The following SCAPER variants were observed in gnomAD, a reference collection of about 807,000 sequenced individuals.
SCAPER encodes S-phase cyclin A associated protein in the ER.
A neutral mutation model predicts 182.2 loss-of-function variants in SCAPER; 98 were observed. The ratio of observed to expected loss-of-function variants is 0.54; its 90% CI spans 0.46 to 0.64. The LOEUF (loss-of-function observed/expected upper bound fraction) is 0.64. Ranked by LOEUF, SCAPER falls within the 30% of genes least tolerant of loss-of-function variation. The pLI is 0.00. For missense variants in SCAPER, 1,432 were observed against 1,690.0 expected (o/e 0.85, Z 2.68); for synonymous variants, 605 against 564.6 (o/e 1.07, Z -1.01).
chr15:76,701,684 G>A (rs916377417), intron 20 of SCAPER, 74 bp downstream of exon 20: 40 of 1,137,142 alleles, frequency 3.5e-5, no homozygotes, highest in Admixed American at 3.9e-5. Context: ...ATACAAACAC[G>A]GAATTCTTTA....
At position 76,767,035 on chromosome 15, in the gene SCAPER, CT is replaced by C; in HGVS notation, c.1301del (p.Lys434ArgfsTer17). ...KKEELADRLE[K>X]ANEEAIASAI... is the part of the protein sequence containing the mutation. ...CACTAGCAATGGCTTCTTCATTGGC[CT>C]TTTCTAGACGATCTGCTAGCTCTTC... is the stretch of plus-strand genomic sequence containing the variant. On this transcript the variant is annotated frameshift_variant, in exon 11 of 32. Transcript: ENST00000563290. LOFTEE classifies it high-confidence loss of function. 1 of 1,603,938 alleles carries C rather than the reference CT, an allele frequency of 6.2e-7. No homozygotes were observed.
rs563187986 is a variant in SCAPER at position 76,351,945 on chromosome 15, A to G, written c.4048-657T>C. Among the ~76,000 whole-genome samples the G allele has an allele frequency of 2.1e-3, 314 of 152,350 alleles. 1 individual carries two copies. The highest frequency in any genetic ancestry group is 2.7e-3 in the Non-Finnish European group (185 of 68,024). On this transcript the variant is annotated intron_variant, in intron 30 of 31. Transcript: ENST00000563290. The stretch of plus-strand genomic sequence containing the variant: ...TTAGCATTTACAAAATTTATGTTAC[A>G]GATTTTTTTTGTAAGACAAAGGTAG...
intron 5 of SCAPER, among the ~76,000 whole-genome samples, chr15:76,833,521 C>T (rs1409179838): frequency 2.0e-5 from 3 of 152,062 alleles, no homozygotes; most frequent in African/African-American, 7.2e-5. Flanking sequence ...TCAATATTGA[C>T]CTTGAATATA....
At chr15:76,608,410 G>C (rs1039688064) in intron 22 of SCAPER, among the ~76,000 whole-genome samples, 4 of 152,144 alleles carry the variant, frequency 2.6e-5, no homozygotes, top group African/African-American at 7.2e-5. Flanking sequence ...GGTCGTGTAA[G>C]GTGTCAATCT....
At chr15:76,408,248 C>T (rs2957613) in intron 26 of SCAPER, among the ~76,000 whole-genome samples, 16,164 of 152,164 alleles carry the variant, frequency 0.11, 1,033 homozygotes, top group African/African-American at 0.18. Context: ...TTATCCTATA[C>T]GCTTTCCCAC....
At chr15:76,726,322 C>T (rs2060599322) in intron 17 of SCAPER, among the ~76,000 whole-genome samples, 1 of 150,654 alleles carries the variant, frequency 6.6e-6, no homozygotes, top group African/African-American at 2.4e-5. Context: ...AATGAGATGC[C>T]ACTTCACACT....
chr15:76,480,114 C>T (rs928013685), intron 24 of SCAPER, among the ~76,000 whole-genome samples: 1 of 152,136 alleles, frequency 6.6e-6, no homozygotes, highest in African/African-American at 2.4e-5. Flanking sequence ...GATGAGAACC[C>T]TCTAGATTGG....
At chr15:76,521,345 A>G (rs2042819462) in intron 23 of SCAPER, among the ~76,000 whole-genome samples, 1 of 151,952 alleles carries the variant, frequency 6.6e-6, no homozygotes, top group Non-Finnish European at 1.5e-5. Context: ...CCTAGAATAT[A>G]TAAGGAATGT....
At chr15:76,633,606 A>AT (rs2053338986) in intron 21 of SCAPER, among the ~76,000 whole-genome samples, 1 of 152,178 alleles carries the variant, frequency 6.6e-6, no homozygotes, top group Non-Finnish European at 1.5e-5. Flanking sequence ...AGTTCTGTCC[A>AT]TAAACACCTG....
intron 23 of SCAPER, among the ~76,000 whole-genome samples, chr15:76,567,635 G>A (rs974312867): frequency 3.3e-5 from 5 of 152,106 alleles, no homozygotes; most frequent in African/African-American, 9.7e-5. Flanking sequence ...TAAAGAGGTT[G>A]ACTATCTTCA....
chr15:76,613,950 T>C (rs898649591), intron 22 of SCAPER, among the ~76,000 whole-genome samples: 11 of 152,240 alleles, frequency 7.2e-5, no homozygotes, highest in African/African-American at 2.4e-4. Flanking sequence ...CACACACATA[T>C]GTTCATCACA....
chr15:76,641,530 C>T (rs1041014954), intron 21 of SCAPER, among the ~76,000 whole-genome samples: 2 of 152,074 alleles, frequency 1.3e-5, no homozygotes, highest in Admixed American at 1.3e-4. Context: ...TCTGCTGATC[C>T]GCCTGGGAAC....
intron 23 of SCAPER, among the ~76,000 whole-genome samples, chr15:76,514,922 AGCTTCCTAACT>A (rs1403785761): frequency 6.6e-6 from 1 of 152,194 alleles, no homozygotes; most frequent in Admixed American, 6.5e-5. Context: ...TTCCCTTACA[AGCTTCCTAACT>A]GCTGGCTTCT....
rs572042681 is a variant in SCAPER at position 76,750,950 on chromosome 15, G to C, written c.1866+2858C>G. On this transcript the variant is annotated intron_variant, in intron 15 of 31. Transcript: ENST00000563290. ...TTTAGAAAGTAGTAAGATTATCTTT[G>C]TTCACAGATGATATGAACTTATATG... Among the ~76,000 whole-genome samples the C allele has an allele frequency of 3.3e-5, 5 of 151,824 alleles. No homozygotes were observed. In the East Asian group the frequency reaches 9.6e-4, roughly 29 times the overall value.
intron 27 of SCAPER, among the ~76,000 whole-genome samples, chr15:76,401,969 A>T (rs2044492580): frequency 6.6e-6 from 1 of 152,170 alleles, no homozygotes; most frequent in Non-Finnish European, 1.5e-5. Flanking sequence ...TCTACTAAAA[A>T]TACAAAAATT....
At chr15:76,496,379 G>C (rs1279370101) in intron 24 of SCAPER, among the ~76,000 whole-genome samples, 1 of 152,148 alleles carries the variant, frequency 6.6e-6, no homozygotes, top group African/African-American at 2.4e-5. Flanking sequence ...TTAATGATGA[G>C]ATAACCAGTC....
At chr15:76,725,008 T>C (rs946122155) in intron 17 of SCAPER, among the ~76,000 whole-genome samples, 3 of 152,104 alleles carry the variant, frequency 2.0e-5, no homozygotes, top group Admixed American at 6.6e-5. Context: ...AAATCACCCA[T>C]CTTCTGCGTT....
At chr15:76,432,215 CA>C (rs1200133995) in intron 26 of SCAPER, among the ~76,000 whole-genome samples, 3 of 152,130 alleles carry the variant, frequency 2.0e-5, no homozygotes, top group Admixed American at 6.5e-5. Context: ...CTACAACGAC[CA>C]AAAGGACATG....
chr15:76,781,601 G>A (rs1446948052), intron 8 of SCAPER, among the ~76,000 whole-genome samples: 1 of 152,184 alleles, frequency 6.6e-6, no homozygotes, highest in African/African-American at 2.4e-5. Flanking sequence ...ATTCATCAAG[G>A]TTGAAATGAA....
Sources: allele counts gnomAD v4.1 joint callset (sites outside exome capture counted in the v4.1 genomes callset), GRCh38; gene constraint gnomAD v4.1.1; transcripts MANE v1.5; gene names NCBI Gene and HGNC (gene_info 2026-07-23, HGNC 2026-07-21).